Variants in NRXN1 observed in about 807,000 individuals in gnomAD.
NRXN1 encodes neurexin 1.
Under a neutral mutation model 150.9 loss-of-function variants are expected in NRXN1, and 39 were observed. The observed-to-expected ratio is 0.26, with a 90% CI of 0.20 to 0.34. NRXN1 has a LOEUF of 0.34. Among genes scored for constraint, NRXN1 ranks in the 10% least tolerant of loss-of-function variants. The pLI, the probability that NRXN1 is intolerant of heterozygous loss-of-function variation, is 1.00. For missense variants in NRXN1, 1,815 were observed against 1,949.9 expected (o/e 0.93, Z 1.30); for synonymous variants, 924 against 757.0 (o/e 1.22, Z -3.62).
intron 5 of NRXN1, among the ~76,000 whole-genome samples, chr2:50,823,320 G>A (rs1429886264): frequency 2.0e-5 from 3 of 152,166 alleles, no homozygotes; most frequent in South Asian, 4.1e-4. Flanking sequence ...GGCCATCAGT[G>A]CAGACCTGGG....
intron 5 of NRXN1, among the ~76,000 whole-genome samples, chr2:50,876,063 AC>A (rs1426618444): frequency 1.3e-5 from 2 of 151,792 alleles, no homozygotes; most frequent in Non-Finnish European, 2.9e-5. Flanking sequence ...AGTGGAACAC[AC>A]CTAGCAAGGC....
intron 5 of NRXN1, among the ~76,000 whole-genome samples, chr2:50,805,720 C>A (rs1443057549): frequency 6.6e-6 from 1 of 151,922 alleles, no homozygotes; most frequent in Non-Finnish European, 1.5e-5. Flanking sequence ...GTGTTCGATG[C>A]ATTATTAAAA....
At chr2:50,137,982 G>T (rs1207284128) in intron 18 of NRXN1, among the ~76,000 whole-genome samples, 1 of 152,076 alleles carries the variant, frequency 6.6e-6, no homozygotes, top group Non-Finnish European at 1.5e-5. Context: ...TACTTGACTG[G>T]ACTTGTATAA....
In NRXN1 at chr2:50,531,276, G is replaced by A; in HGVS notation, c.2298C>T (p.Thr766=). 6.2e-7 allele frequency: 1 copy of A among 1,613,556 alleles called. No homozygotes were observed. The highest frequency in any genetic ancestry group is 8.5e-7 in the Non-Finnish European group (1 of 1,179,718). Residue 766 remains threonine, a synonymous_variant, in exon 11 of 23, where the codon ACC becomes ACT. Coordinates refer to ENST00000401669, the MANE Select transcript of NRXN1 (RefSeq NM_001330078.2). Reference sequence around the variant, plus strand: ...GTCCTGCGTCTAGCTCCAGGCGGAGGGTGTCAGCAGAGTCTCTAGAAGTGG... The same window carrying A: ...GTCCTGCGTCTAGCTCCAGGCGGAGAGTGTCAGCAGAGTCTCTAGAAGTGG... ...MATTSRDSAD[T]LRLELDAGRV... is the part of the protein sequence containing the mutation.
At chr2:50,651,470 GTAACATGACA>G in intron 5 of NRXN1, among the ~76,000 whole-genome samples, 2 of 137,994 alleles carry the variant, frequency 1.4e-5, no homozygotes, top group Non-Finnish European at 3.2e-5. Context: ...ATAACATAAC[GTAACATGACA>G]TGACATGACA....
At chr2:50,050,882 T>C (rs1171326387) in intron 21 of NRXN1, among the ~76,000 whole-genome samples, 3 of 152,060 alleles carry the variant, frequency 2.0e-5, no homozygotes, top group Non-Finnish European at 4.4e-5. Context: ...AACTTTAAAA[T>C]ACTGTTGCTA....
intron 5 of NRXN1, among the ~76,000 whole-genome samples, chr2:50,718,477 A>G (rs1696158961): frequency 1.3e-5 from 2 of 152,184 alleles, no homozygotes; most frequent in African/African-American, 2.4e-5. Context: ...CCCCCAAAAC[A>G]ACATAGTTAT....
intron 17 of NRXN1, among the ~76,000 whole-genome samples, chr2:50,429,494 T>C (rs577242492): frequency 5.1e-4 from 77 of 152,250 alleles, no homozygotes; most frequent in African/African-American, 1.8e-3. Context: ...TGACCTCAAG[T>C]GATCCACCCA....
At chr2:50,191,190 A>C (rs1574413972) in intron 18 of NRXN1, among the ~76,000 whole-genome samples, 1 of 138,962 alleles carries the variant, frequency 7.2e-6, no homozygotes, top group African/African-American at 2.7e-5. Flanking sequence ...CATCATGCTC[A>C]GCTAATTGTT....
At chr2:50,578,494 G>A (rs1319812576) in intron 8 of NRXN1, among the ~76,000 whole-genome samples, 1 of 152,080 alleles carries the variant, frequency 6.6e-6, no homozygotes, top group Non-Finnish European at 1.5e-5. Flanking sequence ...CACTTTCCCT[G>A]AATGGTAACG....
chr2:51,011,911 A>G (rs1667937549), intron 2 of NRXN1, among the ~76,000 whole-genome samples: 1 of 152,036 alleles, frequency 6.6e-6, no homozygotes, highest in South Asian at 2.1e-4. Context: ...ATGAGGGAGT[A>G]TGAGAGCCTA....
At chr2:50,727,657 T>A (rs752029499) in intron 5 of NRXN1, among the ~76,000 whole-genome samples, 2 of 152,090 alleles carry the variant, frequency 1.3e-5, no homozygotes, top group Non-Finnish European at 2.9e-5. Context: ...AATGGGAAAA[T>A]TAAAGCATTT....
In NRXN1 at chr2:50,346,957, C is replaced by G; in HGVS notation, c.3365-109987G>C. 3.7e-6 allele frequency: 5 copies of G among 1,366,068 alleles called. No homozygotes were observed. The highest frequency in any genetic ancestry group is 4.7e-6 in the Non-Finnish European group (5 of 1,059,560). The allele number at this position is 1,366,068 out of a possible 1,614,324, so 84.6% of individuals were successfully genotyped here. ...GAGCATCCTCTGGTACATGGCGGGG[C>G]GCCCGCCGAGGGGCAGCCGCCGCGG... On this transcript the variant is annotated intron_variant, in intron 17 of 22. Coordinates refer to ENST00000401669, the MANE Select transcript of NRXN1 (RefSeq NM_001330078.2). This position sits in a 1 kb window ranked among gnomAD's most constrained non-coding sequence, Gnocchi z 5.0.
At chr2:50,280,186 G>T (rs980605047) in intron 17 of NRXN1, among the ~76,000 whole-genome samples, 1 of 150,894 alleles carries the variant, frequency 6.6e-6, no homozygotes, top group Non-Finnish European at 1.5e-5. Context: ...TCTGAGGCAG[G>T]AGAATGGCGT....
intron 17 of NRXN1, among the ~76,000 whole-genome samples, chr2:50,243,386 C>A (rs1323905690): frequency 6.6e-6 from 1 of 151,592 alleles, no homozygotes; most frequent in Non-Finnish European, 1.5e-5. Flanking sequence ...TCTGTCAAAA[C>A]TCTAGGCTAA....
intron 17 of NRXN1, among the ~76,000 whole-genome samples, chr2:50,302,720 T>C (rs1324847353): frequency 6.6e-6 from 1 of 152,178 alleles, no homozygotes; most frequent in Non-Finnish European, 1.5e-5. Flanking sequence ...AAAACATCTT[T>C]CATTACGCTA....
chr2:50,774,366 AT>A (rs1199860518), intron 5 of NRXN1, among the ~76,000 whole-genome samples: 1 of 152,174 alleles, frequency 6.6e-6, no homozygotes, highest in African/African-American at 2.4e-5. Context: ...ATTTGAGGGC[AT>A]TTAGTACATT....
chr2:50,102,555 G>C (rs907301911), intron 18 of NRXN1, among the ~76,000 whole-genome samples: 1 of 152,160 alleles, frequency 6.6e-6, no homozygotes, highest in South Asian at 2.1e-4. Flanking sequence ...TGGTGCTGCT[G>C]TCATTATGAA....
chr2:50,726,024 T>C (rs552866848), intron 5 of NRXN1, among the ~76,000 whole-genome samples: 13 of 152,310 alleles, frequency 8.5e-5, no homozygotes, highest in African/African-American at 2.9e-4. Context: ...CTCAGTACCA[T>C]AGAAGCTTTG....
Sources: gnomAD v4.1 joint callset for allele counts (sites outside exome capture counted in the v4.1 genomes callset) on GRCh38, gnomAD v4.1.1 for gene constraint, Gnocchi (gnomAD v3.1) non-coding constraint, MANE v1.5 for transcripts, NCBI Gene and HGNC (gene_info 2026-07-23, HGNC 2026-07-21) for gene names.